The following RPS6KA2 variants were observed in gnomAD, a reference collection of about 807,000 sequenced individuals.
RPS6KA2 encodes the protein ribosomal protein S6 kinase alpha-2.
In RPS6KA2, 42 loss-of-function variants were observed where a neutral mutation model predicts 91.8. That is an observed-to-expected ratio of 0.46 (90% confidence interval 0.36 to 0.59). The LOEUF (loss-of-function observed/expected upper bound fraction) is 0.59, where lower values mean the gene tolerates loss of function less well. Among genes scored for constraint, RPS6KA2 ranks in the 20% least tolerant of loss-of-function variants. The pLI, the probability that RPS6KA2 is intolerant of heterozygous loss-of-function variation, is 0.00. For synonymous variants in RPS6KA2, 414 were observed against 393.6 expected, an observed-to-expected ratio of 1.05 and a Z score of -0.61; for missense variants, 798 against 978.5, an observed-to-expected ratio of 0.82 and a Z score of 2.46.
chr6:166,769,809 C>A (rs922551973), intron 2 of RPS6KA2, among the ~76,000 whole-genome samples: 2 of 152,182 alleles, frequency 1.3e-5, no homozygotes, highest in Non-Finnish European at 1.5e-5. Context: ...GCCCCAGCGA[C>A]GGGGCTGAGA....
At chr6:166,528,752 TGG>T (rs1285752237) in intron 3 of RPS6KA2, among the ~76,000 whole-genome samples, 5 of 151,674 alleles carry the variant, frequency 3.3e-5, no homozygotes, top group African/African-American at 1.2e-4. Context: ...CATCAAAAAG[TGG>T]GCAAAGGATA....
chr6:166,662,090 G>A lies in RPS6KA2; in HGVS notation c.124-123306C>T, dbSNP rs943424381. ...GACAGTATTAAGTGAGTAAAGATAG[G>A]GGTTGTTTATCATATTATGAATATT... On this transcript the variant is annotated intron_variant, in intron 2 of 21. Transcript: ENST00000503859. This position sits in a 1 kb window ranked among gnomAD's most constrained non-coding sequence, Gnocchi z 4.3. 2.0e-5 allele frequency among the ~76,000 whole-genome samples: 3 copies of A among 152,028 alleles called. No individual in the cohort carries two copies. Among genetic ancestry groups the A allele is most frequent in the African/African-American group, 7.2e-5 (3 of 41,382 alleles).
chr6:166,748,325 AG>A (rs1200990244), intron 2 of RPS6KA2, among the ~76,000 whole-genome samples: 1 of 151,978 alleles, frequency 6.6e-6, no homozygotes, highest in African/African-American at 2.4e-5. Flanking sequence ...CAGGAGAAAC[AG>A]CTAAATCCTG....
intron 2 of RPS6KA2, among the ~76,000 whole-genome samples, chr6:166,752,698 G>C (rs979526239): frequency 2.6e-5 from 4 of 152,136 alleles, no homozygotes; most frequent in African/African-American, 9.7e-5. Flanking sequence ...TTCTCCCAAG[G>C]AAAAGCACGG....
Position 166,737,829 on chromosome 6 carries a change from T to A in RPS6KA2, c.123+120371A>T, listed in dbSNP as rs531775809. Among the ~76,000 whole-genome samples, 5 of 152,356 alleles carry A rather than the reference T, an allele frequency of 3.3e-5. No individual in the cohort carries two copies. In the South Asian group the frequency reaches 1.0e-3, roughly 32 times the overall value. ...TCAAATCCCTTTGGTTATTTTTAAATCTGTATTAGTTATTTTCTCATAAAC... is the reference window on the plus strand; with the variant it reads ...TCAAATCCCTTTGGTTATTTTTAAAACTGTATTAGTTATTTTCTCATAAAC... On this transcript the variant is annotated intron_variant, in intron 2 of 21. Transcript: ENST00000503859. This position sits in a 1 kb window ranked among gnomAD's most constrained non-coding sequence, Gnocchi z 4.3.
chr6:166,835,381 A>G (rs2128627868), intron 2 of RPS6KA2, among the ~76,000 whole-genome samples: 1 of 152,264 alleles, frequency 6.6e-6, no homozygotes, highest in Admixed American at 6.5e-5. Context: ...GAAAATCAGC[A>G]CCCTAACAAC....
At chr6:166,478,307 C>T (rs1781058190) in intron 10 of RPS6KA2, among the ~76,000 whole-genome samples, 1 of 152,202 alleles carries the variant, frequency 6.6e-6, no homozygotes, top group Non-Finnish European at 1.5e-5. Context: ...GCAGAGACTA[C>T]ACAGATTTCC....
In RPS6KA2 at chr6:166,701,141, G is replaced by A. The variant is rs1453020825; in HGVS notation, c.123+157059C>T. On this transcript the variant is annotated intron_variant, in intron 2 of 21. Transcript: ENST00000503859. Reference sequence around the variant, plus strand: ...GGTCCACTTTGCAGAGCCTTCTGTTGTTGCTGCTGCTTTACCTGAGTCAGA... The same window carrying A: ...GGTCCACTTTGCAGAGCCTTCTGTTATTGCTGCTGCTTTACCTGAGTCAGA... 1.8e-5 allele frequency: 29 copies of A among 1,611,880 alleles called. No homozygotes were observed. The South Asian group carries it at 3.1e-4, about 17-fold the overall frequency.
intron 2 of RPS6KA2, among the ~76,000 whole-genome samples, chr6:166,720,729 A>T (rs1191907175): frequency 6.6e-6 from 1 of 152,198 alleles, no homozygotes; most frequent in Non-Finnish European, 1.5e-5. Flanking sequence ...CGCATTTTAC[A>T]TTCATATCAT....
intron 2 of RPS6KA2, among the ~76,000 whole-genome samples, chr6:166,758,991 AGC>A (rs1427561232): frequency 8.5e-5 from 13 of 152,236 alleles, no homozygotes; most frequent in Admixed American, 8.5e-4. Flanking sequence ...TGGCTTCCAG[AGC>A]ACACATGGCG....
intron 2 of RPS6KA2, among the ~76,000 whole-genome samples, chr6:166,683,357 T>C (rs9283866): frequency 0.45 from 69,197 of 152,144 alleles, 16,628 homozygotes; most frequent in African/African-American, 0.61. Flanking sequence ...CCAATGTATT[T>C]CCAAGCAAGC....
At chr6:166,646,988 C>G (rs558480672) in intron 2 of RPS6KA2, among the ~76,000 whole-genome samples, 2 of 152,302 alleles carry the variant, frequency 1.3e-5, no homozygotes, top group South Asian at 4.1e-4. Flanking sequence ...GCCCAGCCCT[C>G]CAGACCTCCT....
rs956964062 is a variant in RPS6KA2, at chr6:166,767,612, G to A, written c.123+90588C>T. Among the ~76,000 whole-genome samples, 8 of 152,178 alleles carry A rather than the reference G, an allele frequency of 5.3e-5. No homozygotes were observed. The highest frequency in any genetic ancestry group is 2.1e-4 in the South Asian group (1 of 4,828). ...AACATTCGGCCAGAATGTGTTGAGC[G>A]TCCACAATGTTCCAGGCTTAGCCCC... On this transcript the variant is annotated intron_variant, in intron 2 of 21. Transcript: ENST00000503859. This position sits in a 1 kb window ranked among gnomAD's most constrained non-coding sequence, Gnocchi z 4.6.
intron 12 of RPS6KA2, among the ~76,000 whole-genome samples, chr6:166,451,651 T>C (rs887425981): frequency 1.3e-5 from 2 of 152,206 alleles, no homozygotes; most frequent in Admixed American, 6.5e-5. Flanking sequence ...CCTGTATCCT[T>C]AGCTTCTGGT....
rs1457457492 is a variant in RPS6KA2, at chr6:166,419,842, C to T, written c.1820+40G>A. The T allele has an allele frequency of 3.8e-6, 6 of 1,575,190 alleles. No homozygotes were observed. Among genetic ancestry groups the T allele is most frequent in the Non-Finnish European group, 5.2e-6 (6 of 1,145,270 alleles). ...CAGATCAGCCACTGAGGCTGCTGCC[C>T]TGTGTCTCCTCCTGACACCTGTTTG... On this transcript the variant is annotated intron_variant, in intron 18 of 20. Transcript: ENST00000265678. The surrounding 1 kb of genome is among the most constrained non-coding windows in gnomAD (Gnocchi z 5.6).
At position 166,459,512 on chromosome 6, in the gene RPS6KA2, C is replaced by CTG; in HGVS notation, c.1010_1011dup (p.Ala338GlnfsTer47). 6.2e-7 allele frequency: 1 copy of CTG among 1,614,090 alleles called. No individual in the cohort carries two copies. Among genetic ancestry groups the CTG allele is most frequent in the Non-Finnish European group, 8.5e-7 (1 of 1,179,994 alleles). On this transcript the variant is annotated frameshift_variant, in exon 12 of 21. Transcript: ENST00000265678. LOFTEE classifies it high-confidence loss of function. This position sits in a 1 kb window ranked among gnomAD's most constrained non-coding sequence, Gnocchi z 4.9. ...AAGGTGTCCTCAGGCCTGCCCACTG[C>CTG]TGGTTTGAACGGTGGCTTGATCTCC...
upstream of RPS6KA2, among the ~76,000 whole-genome samples, chr6:166,631,782 T>C (rs1316910996): frequency 6.6e-6 from 1 of 152,098 alleles, no homozygotes; most frequent in African/African-American, 2.4e-5. Context: ...ACCCAAGAGA[T>C]AGATGCGAAC....
rs1306177395 is a variant in RPS6KA2, at chr6:166,413,863, G to GTGTT, written c.2003_2006dup (p.His669GlnfsTer97). ...GGTACTCTCTGTTGACCACCCACGG[G>GTGTT]TGTTTGAGCACTTGCATCGCCGTCA... is the stretch of plus-strand genomic sequence containing the variant. On this transcript the variant is annotated frameshift_variant, in exon 20 of 21. Transcript: ENST00000265678. LOFTEE classifies it high-confidence loss of function. The GTGTT allele has an allele frequency of 1.2e-6, 2 of 1,614,160 alleles. No individual in the cohort carries two copies. Among genetic ancestry groups the GTGTT allele is most frequent in the Middle Eastern group, 1.6e-4 (1 of 6,062 alleles).
chr6:166,453,391 C>T (rs1009041501), intron 12 of RPS6KA2, among the ~76,000 whole-genome samples: 2 of 151,996 alleles, frequency 1.3e-5, no homozygotes, highest in African/African-American at 4.8e-5. Flanking sequence ...ACAAATAACC[C>T]CATTAAAAAT....
Sources: gnomAD v4.1 joint callset for allele counts (sites outside exome capture counted in the v4.1 genomes callset) on GRCh38, gnomAD v4.1.1 for gene constraint, Gnocchi (gnomAD v3.1) non-coding constraint, MANE v1.5 for transcripts, NCBI Gene and HGNC (gene_info 2026-07-23, HGNC 2026-07-21) for gene names.